Variants in LY86 observed in about 807,000 individuals in gnomAD.
LY86 encodes lymphocyte antigen 86, also known as MD-1, RP105-associated.
Under a neutral mutation model 17.3 loss-of-function variants are expected in LY86, and 20 were observed. The ratio of observed to expected loss-of-function variants is 1.15; its 90% CI spans 0.81 to 1.68. The LOEUF is 1.68. LY86 is among the 40% of genes most tolerant of loss of function. The pLI is 0.00. For missense variants in LY86, 200 were observed against 191.9 expected, an observed-to-expected ratio of 1.04 and a Z score of -0.25; for synonymous variants, 74 against 70.6, an observed-to-expected ratio of 1.05 and a Z score of -0.24.
intron 1 of LY86, among the ~76,000 whole-genome samples, chr6:6,623,993 G>A (rs558489683): frequency 6.6e-6 from 1 of 152,336 alleles, no homozygotes; most frequent in Admixed American, 6.5e-5. Flanking sequence ...GTTCAAGGAA[G>A]CAAGAGAATA....
chr6:6,612,480 C>G (rs538572040), intron 1 of LY86, among the ~76,000 whole-genome samples: 1 of 151,928 alleles, frequency 6.6e-6, no homozygotes, highest in African/African-American at 2.4e-5. Flanking sequence ...AATGCAGACC[C>G]AAAGTGTAAA....
rs781651189 is a variant in LY86, at chr6:6,649,588, T to C, written c.353-37T>C. The C allele has an allele frequency of 1.2e-5, 15 of 1,291,034 alleles. No individual in the cohort carries two copies. The East Asian group carries it at 1.9e-4, about 16-fold the overall frequency. The allele number at this position is 1,291,034 out of a possible 1,614,324, so 80.0% of individuals were successfully genotyped here. On this transcript the variant is annotated intron_variant, in intron 3 of 4. Coordinates refer to ENST00000230568, the MANE Select transcript of LY86 (RefSeq NM_004271.4). Reference sequence around the variant, plus strand: ...GTGAATGAATCATTTTTTTAAATGATTGAATAACATCATCTATGCTTTATA... The same window carrying C: ...GTGAATGAATCATTTTTTTAAATGACTGAATAACATCATCTATGCTTTATA...
chr6:6,636,861 T>C lies in LY86; in HGVS notation c.352+10440T>C, dbSNP rs150523453. On this transcript the variant is annotated intron_variant, in intron 3 of 4. Transcript: ENST00000230568. ...ATCACCAAAAACAATGGTTTACTTA[T>C]TGCATTAGCCGAACTCCTACCCTCG... Among the ~76,000 whole-genome samples, 24 of 150,352 alleles carry C rather than the reference T, an allele frequency of 1.6e-4. No homozygotes were observed. The East Asian group carries it at 3.3e-3, about 21-fold the overall frequency.
At chr6:6,605,755 A>C (rs36098410) in intron 1 of LY86, among the ~76,000 whole-genome samples, 5 of 152,042 alleles carry the variant, frequency 3.3e-5, no homozygotes, top group African/African-American at 1.2e-4. Flanking sequence ...TGTGTCCAGA[A>C]CTTATTCTTT....
intron 3 of LY86, among the ~76,000 whole-genome samples, chr6:6,641,825 T>C (rs7774142): frequency 0.35 from 53,473 of 152,134 alleles, 10,249 homozygotes; most frequent in East Asian, 0.51. Context: ...GGTTGTACAC[T>C]GGGCTGGGGT....
At chr6:6,601,251 T>A (rs949405290) in intron 1 of LY86, among the ~76,000 whole-genome samples, 1 of 152,114 alleles carries the variant, frequency 6.6e-6, no homozygotes, top group Non-Finnish European at 1.5e-5. Flanking sequence ...GAAGCAGTGG[T>A]AGGAGAACAG....
At chr6:6,631,521 C>T (rs1314781635) in intron 3 of LY86, among the ~76,000 whole-genome samples, 2 of 152,204 alleles carry the variant, frequency 1.3e-5, no homozygotes, top group African/African-American at 4.8e-5. Context: ...TATTATAAGG[C>T]AGTGGTTCTC....
intron 4 of LY86, among the ~76,000 whole-genome samples, chr6:6,652,360 C>T (rs1456637024): frequency 2.0e-5 from 3 of 152,104 alleles, no homozygotes; most frequent in Admixed American, 6.6e-5. Context: ...TTGTAAAAGA[C>T]GTACCCCATA....
rs765819931 is a variant in LY86 at position 6,603,604 on chromosome 6, A to AAC, written c.136+14734_136+14735insAC. On this transcript the variant is annotated intron_variant, in intron 1 of 4. Coordinates refer to ENST00000230568, the MANE Select transcript of LY86 (RefSeq NM_004271.4). ...CAAAGCCAAAAACAAAAACAGAAACAGAAAAAAAAACAAACAAAAAAAAAC... is the reference window on the plus strand; with the variant it reads ...CAAAGCCAAAAACAAAAACAGAAACAACGAAAAAAAAACAAACAAAAAAAAAC... Among the ~76,000 whole-genome samples, 72 of 56,194 alleles carry AAC rather than the reference A, an allele frequency of 1.3e-3. 1 individual carries two copies. The highest frequency in any genetic ancestry group is 3.4e-3 in the East Asian group (4 of 1,182). The allele number at this position is 56,194 out of a possible 152,430, so 36.9% of individuals were successfully genotyped here.
intron 3 of LY86, among the ~76,000 whole-genome samples, chr6:6,643,309 T>C (rs1048084694): frequency 1.3e-5 from 2 of 152,194 alleles, no homozygotes; most frequent in African/African-American, 2.4e-5. Flanking sequence ...ATTTGGTCTA[T>C]ACACACAATG....
intron 1 of LY86, among the ~76,000 whole-genome samples, chr6:6,614,992 A>G (rs1761518134): frequency 6.6e-6 from 1 of 152,194 alleles, no homozygotes; most frequent in Non-Finnish European, 1.5e-5. Context: ...CGCTTCATAA[A>G]TTCTGTACAC....
At chr6:6,605,728 C>T (rs190873308) in intron 1 of LY86, among the ~76,000 whole-genome samples, 3 of 152,354 alleles carry the variant, frequency 2.0e-5, no homozygotes, top group Admixed American at 6.5e-5. Flanking sequence ...GTGAGTGTTA[C>T]AGTTCTTAAA....
rs1004064178 is a variant in LY86, at chr6:6,646,010, G to T, written c.353-3615G>T. Among the ~76,000 whole-genome samples the T allele has an allele frequency of 3.3e-5, 5 of 152,156 alleles. No homozygotes were observed. The East Asian group carries it at 9.7e-4, about 30-fold the overall frequency. On this transcript the variant is annotated intron_variant, in intron 3 of 4. Transcript: ENST00000230568. ...GCTTGGGTCAGAGAGTATCTACTGG[G>T]AAAAAGATAACTTCCAAAAACGAAA...
rs1471956432 is a variant in LY86 at position 6,595,147 on chromosome 6, AGAG to A, written c.136+6284_136+6286del. ...GGGAGGTGGTGAGGGAGAGGGAAAG[AGAG>A]GAGGAGAGAAAAGAGCGGAAGGAGG... is the stretch of plus-strand genomic sequence containing the variant. On this transcript the variant is annotated intron_variant, in intron 1 of 4. Coordinates refer to ENST00000230568, the MANE Select transcript of LY86 (RefSeq NM_004271.4). 3.4e-5 allele frequency among the ~76,000 whole-genome samples: 5 copies of A among 145,452 alleles called. No homozygotes were observed. In the East Asian group the frequency reaches 8.9e-4, roughly 26 times the overall value.
intron 1 of LY86, among the ~76,000 whole-genome samples, chr6:6,589,339 A>C (rs935221018): frequency 5.3e-5 from 8 of 152,236 alleles, no homozygotes; most frequent in African/African-American, 1.9e-4. Context: ...CTCTCTGGAC[A>C]CTTTCAGAGC....
chr6:6,609,581 G>T (rs1196044170), intron 1 of LY86, among the ~76,000 whole-genome samples: 2 of 152,160 alleles, frequency 1.3e-5, no homozygotes, highest in African/African-American at 4.8e-5. Context: ...CAGAAGCACT[G>T]TCACGCTGGC....
intron 3 of LY86, among the ~76,000 whole-genome samples, chr6:6,628,390 G>A (rs1390051856): frequency 2.0e-5 from 3 of 148,846 alleles, no homozygotes; most frequent in East Asian, 2.0e-4. Flanking sequence ...ACATACCTGC[G>A]GCATCAGCCT....
At chr6:6,615,800 G>C (rs549675699) in intron 1 of LY86, among the ~76,000 whole-genome samples, 10 of 151,684 alleles carry the variant, frequency 6.6e-5, no homozygotes, top group South Asian at 4.2e-4. Context: ...GCTGAGGTAG[G>C]AGGATCGCTT....
At chr6:6,649,491 A>T in intron 3 of LY86, 134 bp from the exon 4 acceptor site, 2 of 471,338 alleles carry the variant, frequency 4.2e-6, no homozygotes, top group South Asian at 8.2e-5. Flanking sequence ...CAGGAAATGA[A>T]AACATTTCTA....
Sources: gnomAD v4.1 joint callset for allele counts (sites outside exome capture counted in the v4.1 genomes callset) on GRCh38, gnomAD v4.1.1 for gene constraint, MANE v1.5 for transcripts, NCBI Gene and HGNC (gene_info 2026-07-23, HGNC 2026-07-21) for gene names.